The following ESRRG variants were observed in gnomAD, a reference collection of about 807,000 sequenced individuals.
ESRRG encodes the protein estrogen-related receptor gamma.
A neutral mutation model predicts 44.0 loss-of-function variants in ESRRG; 13 were observed. That is an observed-to-expected ratio of 0.30 (90% CI 0.19 to 0.47). The LOEUF is 0.47. Among genes scored for constraint, ESRRG ranks in the 20% least tolerant of loss-of-function variants. ESRRG has a pLI of 1.00. For synonymous variants in ESRRG, 215 were observed against 214.6 expected (o/e 1.00, Z -0.02); for missense variants, 395 against 580.6 (o/e 0.68, Z 3.29).
upstream of ESRRG, among the ~76,000 whole-genome samples, chr1:217,091,220 C>A (rs2092339745): frequency 6.6e-6 from 1 of 152,174 alleles, no homozygotes; most frequent in South Asian, 2.1e-4. Context: ...TTGTCACCAT[C>A]ATGTATTGGT....
rs73099405 is a variant in ESRRG at position 216,954,056 on chromosome 1, G to T, written c.-105-14383C>A. On this transcript the variant is annotated intron_variant, in intron 1 of 7. Coordinates refer to the ESRRG transcript ENST00000359162. ...CCATGCTCCTTCCTATTTTTCAATT[G>T]TTAAAGAGAAGATAAATATCTCTAA... Among the ~76,000 whole-genome samples the T allele has an allele frequency of 6.6e-3, 998 of 151,940 alleles. 16 individuals carry two copies. Among genetic ancestry groups the T allele is most frequent in the African/African-American group, 0.023 (964 of 41,436 alleles).
intron 3 of ESRRG, among the ~76,000 whole-genome samples, chr1:216,572,894 GATT>G (rs2061064633): frequency 1.3e-5 from 2 of 152,052 alleles, no homozygotes; most frequent in Admixed American, 1.3e-4. Flanking sequence ...CTTAAGCTAT[GATT>G]TCTCATTAGT....
intron 2 of ESRRG, among the ~76,000 whole-genome samples, chr1:216,806,123 A>G (rs2094784050): frequency 6.6e-6 from 1 of 152,218 alleles, no homozygotes; most frequent in South Asian, 2.1e-4. Flanking sequence ...TTCTGCCTAC[A>G]GTATGTGCAA....
intron 1 of ESRRG, among the ~76,000 whole-genome samples, chr1:216,940,090 T>A (rs1309318845): frequency 6.6e-6 from 1 of 152,194 alleles, no homozygotes; most frequent in Non-Finnish European, 1.5e-5. Flanking sequence ...CACATTAGTC[T>A]CAAAATGTAT....
intron 6 of ESRRG, among the ~76,000 whole-genome samples, chr1:216,517,678 A>T (rs930297025): frequency 2.0e-5 from 3 of 152,202 alleles, no homozygotes; most frequent in African/African-American, 7.2e-5. Flanking sequence ...TATAATGTGA[A>T]GTCCATACAA....
chr1:216,660,126 A>T (rs1463122194), intron 2 of ESRRG, among the ~76,000 whole-genome samples: 1 of 152,226 alleles, frequency 6.6e-6, no homozygotes, highest in East Asian at 1.9e-4. Context: ...CAGTTGCTTC[A>T]GCCCCCTTGT....
At chr1:216,932,804 G>T (rs1384543673) in intron 2 of ESRRG, among the ~76,000 whole-genome samples, 2 of 130,224 alleles carry the variant, frequency 1.5e-5, no homozygotes, top group South Asian at 5.2e-4. Flanking sequence ...CTGGCCTCAA[G>T]CAATCCTCCC....
intron 5 of ESRRG, among the ~76,000 whole-genome samples, chr1:216,553,632 T>C (rs749770928): frequency 6.6e-6 from 1 of 152,170 alleles, no homozygotes; most frequent in Non-Finnish European, 1.5e-5. Flanking sequence ...AGAATTATCA[T>C]GGATGGGGTT....
At chr1:216,964,021 C>A (rs2069707750) in intron 1 of ESRRG, among the ~76,000 whole-genome samples, 1 of 152,100 alleles carries the variant, frequency 6.6e-6, no homozygotes, top group Non-Finnish European at 1.5e-5. Context: ...GATTTCTAAG[C>A]AGACAGAACA....
chr1:217,120,670 A>C (rs1205199593), intron 1 of ESRRG, among the ~76,000 whole-genome samples: 1 of 152,090 alleles, frequency 6.6e-6, no homozygotes, highest in African/African-American at 2.4e-5. Context: ...CATACATCCC[A>C]AATTCCCTCT....
intron 1 of ESRRG, among the ~76,000 whole-genome samples, chr1:216,962,371 G>T (rs1224380521): frequency 6.6e-6 from 1 of 152,156 alleles, no homozygotes; most frequent in Non-Finnish European, 1.5e-5. Flanking sequence ...TTCATTCCAA[G>T]AAGACAGGGC....
chr1:216,934,427 C>A (rs1048731013), intron 2 of ESRRG, among the ~76,000 whole-genome samples: 1 of 152,080 alleles, frequency 6.6e-6, no homozygotes, highest in Admixed American at 6.6e-5. Context: ...GAATGAGACT[C>A]CATCTCAAAA....
At chr1:217,022,348 T>C (rs1393714946) in intron 1 of ESRRG, among the ~76,000 whole-genome samples, 1 of 152,188 alleles carries the variant, frequency 6.6e-6, no homozygotes, top group African/African-American at 2.4e-5. Flanking sequence ...GGTTGCTTTA[T>C]CCAGACCCAC....
chr1:217,134,496 T>C (rs1253187991), intron 1 of ESRRG, among the ~76,000 whole-genome samples: 1 of 152,204 alleles, frequency 6.6e-6, no homozygotes, highest in Admixed American at 6.5e-5. Context: ...CTACCCCCGC[T>C]CTGGCCTCTC....
chr1:216,534,604 A>G (rs1449453757), intron 5 of ESRRG, among the ~76,000 whole-genome samples: 1 of 152,210 alleles, frequency 6.6e-6, no homozygotes, highest in Non-Finnish European at 1.5e-5. Flanking sequence ...GTTCACATGT[A>G]TTGACTCATT....
rs549664947 is a variant in ESRRG, at chr1:216,693,097, C to T, written c.57-15606G>A. 3.3e-5 allele frequency among the ~76,000 whole-genome samples: 5 copies of T among 152,324 alleles called. No homozygotes were observed. In the South Asian group the frequency reaches 8.3e-4, roughly 25 times the overall value. ...CTCTCTGGAATTCAACTTCCTTGCC[C>T]TTGGCAACACTTTCTGCGCAACTTC... On this transcript the variant is annotated intron_variant, in intron 1 of 6. Transcript: ENST00000408911.
At chr1:216,723,162 C>G in intron 1 of ESRRG, 82 bp downstream of exon 1, 1 of 1,151,320 alleles carries the variant, frequency 8.7e-7, no homozygotes, top group African/African-American at 1.5e-5. Context: ...TTACCTGAAT[C>G]AGTGTGTAAA....
chr1:216,649,596 T>C (rs189629424), intron 3 of ESRRG, among the ~76,000 whole-genome samples: 3 of 152,176 alleles, frequency 2.0e-5, no homozygotes, highest in Admixed American at 2.0e-4. Context: ...TATATATATT[T>C]ACTTAGTAAT....
chr1:216,551,075 A>C (rs2056186358), intron 5 of ESRRG, among the ~76,000 whole-genome samples: 1 of 152,170 alleles, frequency 6.6e-6, no homozygotes, highest in Non-Finnish European at 1.5e-5. Context: ...ACTATGTGAG[A>C]CAGAAGAATT....
Sources: gnomAD v4.1 joint callset for allele counts (sites outside exome capture counted in the v4.1 genomes callset) on GRCh38, gnomAD v4.1.1 for gene constraint, MANE v1.5 for transcripts, NCBI Gene and HGNC (gene_info 2026-07-23, HGNC 2026-07-21) for gene names.